Variants in MROH2B observed in about 807,000 individuals in gnomAD.
The protein encoded by MROH2B is maestro heat-like repeat-containing protein family member 2B.
In MROH2B, 177 loss-of-function variants were observed where a neutral mutation model predicts 208.6. The ratio of observed to expected loss-of-function variants is 0.85; its 90% CI spans 0.75 to 0.96. The LOEUF (loss-of-function observed/expected upper bound fraction) is 0.96, where lower values mean the gene tolerates loss of function less well. MROH2B is among the 40% of genes least tolerant of loss of function. The probability of loss-of-function intolerance (pLI) is 0.00; values close to 1 mark genes in which losing one functional copy is unlikely to be tolerated. For missense variants in MROH2B, 2,002 were observed against 1,878.7 expected (o/e 1.07, Z -1.21); for synonymous variants, 728 against 659.0 (o/e 1.10, Z -1.60).
chr5:41,045,706 T>C (rs367663171), intron 18 of MROH2B, 40 bp downstream of exon 18: 14 of 1,482,868 alleles, frequency 9.4e-6, no homozygotes, highest in East Asian at 2.3e-5. Flanking sequence ...TTTTGGATCA[T>C]AGGTAAAAGC....
chr5:41,033,773 G>C, intron 22 of MROH2B, 65 bp downstream of exon 22: 2 of 1,087,650 alleles, frequency 1.8e-6, no homozygotes, highest in Non-Finnish European at 2.7e-6. Context: ...GCACACTTCA[G>C]GGGGGCATTA....
intron 29 of MROH2B, among the ~76,000 whole-genome samples, chr5:41,013,510 G>C (rs1007420185): frequency 6.6e-6 from 1 of 152,210 alleles, no homozygotes; most frequent in African/African-American, 2.4e-5. Flanking sequence ...GTAGACACTA[G>C]AGCGTTCCTA....
At chr5:41,008,955 T>A (rs753942216) in intron 32 of MROH2B, among the ~76,000 whole-genome samples, 162 bp from the exon 33 acceptor site, 40 of 152,220 alleles carry the variant, frequency 2.6e-4, no homozygotes, top group Non-Finnish European at 5.1e-4. Flanking sequence ...GCCATGTTAG[T>A]CCTGTGACTG....
intron 24 of MROH2B, among the ~76,000 whole-genome samples, chr5:41,031,877 T>A (rs963851955): frequency 3.3e-5 from 5 of 152,152 alleles, no homozygotes; most frequent in Non-Finnish European, 5.9e-5. Context: ...GGCTTCCAGC[T>A]CCATTCATGT....
chr5:40,998,766 G>T, intron 40 of MROH2B, 89 bp from the exon 41 acceptor site: 2 of 1,058,644 alleles, frequency 1.9e-6, no homozygotes, highest in Non-Finnish European at 2.8e-6. Context: ...CACCTGGTGA[G>T]AAGGTAAATG....
At position 41,005,526 on chromosome 5, in the gene MROH2B, C is replaced by T. The variant is rs773166424; in HGVS notation, c.3864+5G>A. On this transcript the variant is annotated splice_donor_5th_base_variant and intron_variant, in intron 35 of 41. Transcript: ENST00000399564. ...GAGTGTGCTCTGAGGGCTGTTCTCC[C>T]TTGCCTCAGAGAAGAAAGCTGCGCC... 8 of 1,578,064 alleles carry T rather than the reference C, an allele frequency of 5.1e-6. No individual in the cohort carries two copies. The highest frequency in any genetic ancestry group is 5.2e-6 in the Non-Finnish European group (6 of 1,160,146).
rs1487674803 is a variant in MROH2B, at chr5:41,018,783, G to T, written c.2581C>A (p.Leu861Ile). Residue 861 changes from leucine to isoleucine, a missense_variant, in exon 26 of 42, where the codon CTC becomes ATC. Physicochemically the swap from Leu to Ile is conservative, Grantham distance 5. Transcript: ENST00000399564. ...AGGGCGTCCATGGATCGTTCATAGA[G>T]AAACTGAAATCAAATATGTGTGTGT... Reference protein sequence around the residue: ...TDKDKEHIQFLYERSMDALGK... With the variant: ...TDKDKEHIQFIYERSMDALGK... 1.7e-5 allele frequency: 27 copies of T among 1,613,732 alleles called. No homozygotes were observed. Among genetic ancestry groups the T allele is most frequent in the Non-Finnish European group, 2.1e-5 (25 of 1,179,840 alleles).
intron 21 of MROH2B, among the ~76,000 whole-genome samples, chr5:41,034,579 T>G (rs917500239): frequency 6.6e-6 from 1 of 152,264 alleles, no homozygotes; most frequent in South Asian, 2.1e-4. Flanking sequence ...GTTCCAACTT[T>G]CACAACTGAC....
At chr5:41,055,456 C>G (rs1215083131) in intron 10 of MROH2B, among the ~76,000 whole-genome samples, 1 of 131,898 alleles carries the variant, frequency 7.6e-6, no homozygotes, top group Admixed American at 7.9e-5. Flanking sequence ...GATATTGGAC[C>G]ATTTAATCAA....
chr5:41,000,355 GA>G lies in MROH2B; in HGVS notation c.4351-5del, dbSNP rs761581340. The G allele has an allele frequency of 3.1e-6, 5 of 1,613,062 alleles. No homozygotes were observed. In the South Asian group the frequency reaches 5.5e-5, roughly 18 times the overall value. ...CCATCAAGACATCACGGCAAGCCTG[GA>G]AAACAGAGTTTTCTGCATCACAGTC... On this transcript the variant is annotated splice_region_variant and splice_polypyrimidine_tract_variant and intron_variant, in intron 38 of 41. Transcript: ENST00000399564.
intron 37 of MROH2B, among the ~76,000 whole-genome samples, chr5:41,003,781 T>C (rs1163566687): frequency 6.6e-6 from 1 of 152,112 alleles, no homozygotes; most frequent in Non-Finnish European, 1.5e-5. Flanking sequence ...AAATAATAGG[T>C]TTAGGTTAAA....
intron 24 of MROH2B, among the ~76,000 whole-genome samples, chr5:41,023,475 G>GA (rs1742234396): frequency 6.6e-6 from 1 of 152,130 alleles, no homozygotes; most frequent in Admixed American, 6.5e-5. Flanking sequence ...AATGAAGTGA[G>GA]AAGAAAAGTT....
rs1261619087 is a variant in MROH2B at position 41,064,517 on chromosome 5, G to A, written c.415C>T (p.Leu139Phe). The A allele has an allele frequency of 1.2e-6, 2 of 1,613,492 alleles. No individual in the cohort carries two copies. Among genetic ancestry groups the A allele is most frequent in the East Asian group, 2.2e-5 (1 of 44,886 alleles). Residue 139 changes from leucine to phenylalanine, a missense_variant, in exon 5 of 42, where the codon CTC (leucine) becomes TTC (phenylalanine). Coordinates refer to ENST00000399564, the MANE Select transcript of MROH2B (RefSeq NM_173489.5). The stretch of plus-strand genomic sequence containing the variant: ...ATCCTTTCATCCTCGGCCAGCCTGA[G>A]CATGGTTTGCATGGTGAGCAGGGTC... ...MMTLLTMQTM[L>F]RLAEDERMKG...
At chr5:41,036,135 C>T (rs1339772406) in intron 21 of MROH2B, among the ~76,000 whole-genome samples, 1 of 151,854 alleles carries the variant, frequency 6.6e-6, no homozygotes, top group African/African-American at 2.4e-5. Flanking sequence ...TATATACACA[C>T]ACACACACAC....
chr5:41,064,554 A>G lies in MROH2B; in HGVS notation c.378T>C (p.Pro126=), dbSNP rs1389139740. 6 of 1,613,262 alleles carry G rather than the reference A, an allele frequency of 3.7e-6. No homozygotes were observed. The highest frequency in any genetic ancestry group is 5.1e-6 in the Non-Finnish European group (6 of 1,179,468). Reference sequence around the variant, plus strand: ...TGGTGAGCAGGGTCATCATCATGAAAGGAATACTCTGGGACACTGGAGGGA... The same window carrying G: ...TGGTGAGCAGGGTCATCATCATGAAGGGAATACTCTGGGACACTGGAGGGA... ...LATSYVSQSI[P]FMMMTLLTMQ... Residue 126 remains proline (P), a synonymous_variant, in exon 5 of 42, where the codon CCT becomes CCC. Transcript: ENST00000399564.
At chr5:41,024,801 C>A (rs1217758276) in intron 24 of MROH2B, among the ~76,000 whole-genome samples, 1 of 152,190 alleles carries the variant, frequency 6.6e-6, no homozygotes, top group East Asian at 1.9e-4. Context: ...CTCTCCTCAG[C>A]AAATGTAAAA....
intron 28 of MROH2B, among the ~76,000 whole-genome samples, chr5:41,015,875 T>A (rs1741932440): frequency 6.6e-6 from 1 of 152,224 alleles, no homozygotes. Flanking sequence ...TGGATTTCTA[T>A]TCTTCAGTGA....
Position 41,008,749 on chromosome 5 carries a change from G to A in MROH2B, c.3465C>T (p.Val1155=), listed in dbSNP as rs1055877852. ...TGAACAGCTCTGGATACAAGCCGGT[G>A]ACAGAGGTGCCCATTGAGATCACTT... ...MYEVISMGTS[V]TGLYPELFTL... Residue 1155 remains valine, a synonymous_variant, in exon 33 of 42, where the codon GTC becomes GTT. Coordinates refer to ENST00000399564, the MANE Select transcript of MROH2B (RefSeq NM_173489.5). 2 of 1,613,760 alleles carry A rather than the reference G, an allele frequency of 1.2e-6. No homozygotes were observed. Among genetic ancestry groups the A allele is most frequent in the Non-Finnish European group, 8.5e-7 (1 of 1,179,772 alleles).
chr5:41,010,872 G>A (rs532739410), intron 30 of MROH2B, among the ~76,000 whole-genome samples: 1 of 152,320 alleles, frequency 6.6e-6, no homozygotes, highest in East Asian at 1.9e-4. Context: ...GTGCGTATGT[G>A]AGGGGAGCGG....
Sources: allele counts gnomAD v4.1 joint callset (sites outside exome capture counted in the v4.1 genomes callset), GRCh38; gene constraint gnomAD v4.1.1; transcripts MANE v1.5; gene names NCBI Gene and HGNC (gene_info 2026-07-23, HGNC 2026-07-21).